The following GLRB variants were observed in gnomAD, a reference collection of about 807,000 sequenced individuals.
GLRB encodes the protein glycine receptor beta.
A neutral mutation model predicts 54.2 loss-of-function variants in GLRB; 33 were observed. The observed-to-expected ratio is 0.61, with a 90% CI of 0.46 to 0.81. The LOEUF is 0.81. Among genes scored for constraint, GLRB ranks in the 40% least tolerant of loss-of-function variants. The pLI is 0.00. For synonymous variants in GLRB, 209 were observed against 208.2 expected (o/e 1.00, Z -0.03); for missense variants, 572 against 584.6 (o/e 0.98, Z 0.22).
chr4:157,124,843 A>G (rs1735960146), intron 4 of GLRB, among the ~76,000 whole-genome samples: 1 of 151,900 alleles, frequency 6.6e-6, no homozygotes, highest in South Asian at 2.1e-4. Context: ...ACACTCATTA[A>G]ATAGATGTAA....
rs1348722043 is a variant in GLRB at position 157,136,587 on chromosome 4, G to A, written c.416G>A (p.Trp139Ter). 2 of 1,612,400 alleles carry A rather than the reference G, an allele frequency of 1.2e-6. No homozygotes were observed. The highest frequency in any genetic ancestry group is 1.1e-5 in the South Asian group (1 of 91,032). Residue 139 changes from tryptophan (W) to a stop codon, truncating the protein, a stop_gained, in exon 5 of 10, where the codon TGG becomes TAG. Coordinates refer to ENST00000264428, the MANE Select transcript of GLRB (RefSeq NM_000824.5). LOFTEE classifies it high-confidence loss of function. ...GATCCAACAATGTACAAGTGTTTATGGAAACCTGATTTATTTTTTGCAAAT... is the reference window on the plus strand; with the variant it reads ...GATCCAACAATGTACAAGTGTTTATAGAAACCTGATTTATTTTTTGCAAAT... ...TVDPTMYKCL[W>*]KPDLFFANEK...
Position 157,153,083 on chromosome 4 carries a change from G to C in GLRB, c.1197+73G>C, listed in dbSNP as rs80312907. 2.4e-6 allele frequency: 3 copies of C among 1,271,802 alleles called. No homozygotes were observed. The South Asian group carries it at 3.6e-5, about 15-fold the overall frequency. The allele number at this position is 1,271,802 out of a possible 1,614,324, so 78.8% of individuals were successfully genotyped here. A position where few individuals can be genotyped will look rare whatever the true frequency, so the allele number is the denominator to read the frequency against. ...AGTGTCAAGAGAGAGACACCTTTGTGTATGTGACAAGTTTTGATGGAATTG... is the reference window on the plus strand; with the variant it reads ...AGTGTCAAGAGAGAGACACCTTTGTCTATGTGACAAGTTTTGATGGAATTG... On this transcript the variant is annotated intron_variant, in intron 9 of 9. Transcript: ENST00000264428.
At chr4:157,137,661 A>G (rs1417012358) in intron 6 of GLRB, among the ~76,000 whole-genome samples, 1 of 152,152 alleles carries the variant, frequency 6.6e-6, no homozygotes, top group African/African-American at 2.4e-5. Context: ...ATGTACCGAA[A>G]TGGATCCTAA....
At chr4:157,162,038 T>C (rs1373507442) in intron 9 of GLRB, among the ~76,000 whole-genome samples, 1 of 152,230 alleles carries the variant, frequency 6.6e-6, no homozygotes, top group African/African-American at 2.4e-5. Context: ...TTGTTTTTAC[T>C]CTTTTTTATC....
intron 2 of GLRB, among the ~76,000 whole-genome samples, chr4:157,080,209 T>C (rs367824819): frequency 5.9e-5 from 9 of 152,338 alleles, no homozygotes; most frequent in African/African-American, 2.2e-4. Context: ...ATAAGAGTTC[T>C]CTTCTGATGA....
At position 157,170,671 on chromosome 4, in the gene GLRB, A is replaced by G. The variant is rs1737888356; in HGVS notation, c.1437A>G (p.Ala479=). 1 of 1,606,288 alleles carries G rather than the reference A, an allele frequency of 6.2e-7. No homozygotes were observed. The highest frequency in any genetic ancestry group is 1.1e-5 in the South Asian group (1 of 90,388). Residue 479 remains alanine, a synonymous_variant, in exon 10 of 10, where the codon GCA becomes GCG. Transcript: ENST00000264428. ...AAKRIDLYAR[A]LFPFCFLFFN... ...AGCGAATTGATCTTTATGCAAGAGCATTGTTTCCTTTCTGCTTCTTGTTCT... is the reference window on the plus strand; with the variant it reads ...AGCGAATTGATCTTTATGCAAGAGCGTTGTTTCCTTTCTGCTTCTTGTTCT...
chr4:157,136,430 A>G (rs1225786617), intron 4 of GLRB, 39 bp from the exon 5 acceptor site: 2 of 1,133,238 alleles, frequency 1.8e-6, no homozygotes, highest in Non-Finnish European at 2.7e-6. Flanking sequence ...AAAAATAGCA[A>G]TAAACATACA....
chr4:157,126,957 A>G (rs1293193532), intron 4 of GLRB, among the ~76,000 whole-genome samples: 1 of 151,862 alleles, frequency 6.6e-6, no homozygotes, highest in Admixed American at 6.6e-5. Context: ...ACTATAATTC[A>G]TGATCCTGTC....
At chr4:157,126,848 T>G (rs1057168010) in intron 4 of GLRB, among the ~76,000 whole-genome samples, 23 of 152,002 alleles carry the variant, frequency 1.5e-4, no homozygotes, top group African/African-American at 4.8e-4. Context: ...TTATCAGAAA[T>G]ACATAAGAGC....
intron 4 of GLRB, among the ~76,000 whole-genome samples, chr4:157,133,032 T>C (rs1465879729): frequency 1.3e-5 from 2 of 151,926 alleles, no homozygotes; most frequent in Admixed American, 1.3e-4. Flanking sequence ...TAAAAGCTTT[T>C]GAAGAATTAG....
intron 8 of GLRB, among the ~76,000 whole-genome samples, chr4:157,148,435 A>G (rs1446369695): frequency 6.6e-6 from 1 of 152,000 alleles, no homozygotes; most frequent in Non-Finnish European, 1.5e-5. Context: ...ATCTCTTTGT[A>G]ATTGCTGAAA....
chr4:157,122,300 A>T, intron 3 of GLRB, 30 bp from the exon 4 acceptor site: 1 of 881,478 alleles, frequency 1.1e-6, no homozygotes, highest in Non-Finnish European at 1.8e-6. Flanking sequence ...TTTTACAGCT[A>T]ATAAATATAT....
At chr4:157,167,391 A>C (rs1449507160) in intron 9 of GLRB, among the ~76,000 whole-genome samples, 1 of 152,200 alleles carries the variant, frequency 6.6e-6, no homozygotes, top group African/African-American at 2.4e-5. Context: ...GCACTGGAAA[A>C]CTGAAGATTA....
intron 2 of GLRB, among the ~76,000 whole-genome samples, chr4:157,099,932 C>T (rs1199469941): frequency 6.6e-6 from 1 of 152,042 alleles, no homozygotes. Context: ...AGCACCTTTT[C>T]GCCTGTAAAC....
intron 8 of GLRB, among the ~76,000 whole-genome samples, chr4:157,149,868 A>T (rs1736953375): frequency 1.3e-5 from 2 of 148,246 alleles, no homozygotes; most frequent in South Asian, 2.2e-4. Flanking sequence ...TTCTTTCCTT[A>T]TTTTTTCTTC....
At chr4:157,119,013 A>G (rs1344453203) in intron 2 of GLRB, among the ~76,000 whole-genome samples, 3 of 151,584 alleles carry the variant, frequency 2.0e-5, no homozygotes, top group Non-Finnish European at 4.4e-5. Flanking sequence ...AACAAAAACA[A>G]CAAAACATTT....
chr4:157,156,355 A>C (rs1737226947), intron 9 of GLRB, among the ~76,000 whole-genome samples: 1 of 152,114 alleles, frequency 6.6e-6, no homozygotes, highest in Non-Finnish European at 1.5e-5. Flanking sequence ...AGTACTACTG[A>C]TTTGTGTACA....
intron 2 of GLRB, among the ~76,000 whole-genome samples, chr4:157,089,013 G>T (rs1734512412): frequency 6.6e-6 from 1 of 152,092 alleles, no homozygotes; most frequent in Non-Finnish European, 1.5e-5. Flanking sequence ...TACAAAAGAT[G>T]TGCAACATTA....
At chr4:157,090,311 A>G (rs1381763476) in intron 2 of GLRB, among the ~76,000 whole-genome samples, 2 of 152,228 alleles carry the variant, frequency 1.3e-5, no homozygotes, top group Non-Finnish European at 2.9e-5. Context: ...TTTTTATGAA[A>G]ACTACATTTT....
Sources: gnomAD v4.1 joint callset for allele counts (sites outside exome capture counted in the v4.1 genomes callset) on GRCh38, gnomAD v4.1.1 for gene constraint, MANE v1.5 for transcripts, NCBI Gene and HGNC (gene_info 2026-07-23, HGNC 2026-07-21) for gene names.